UNC13C: variants seen among roughly 807,000 people sequenced by gnomAD.
UNC13C encodes unc-13 homolog C, also known as protein unc-13 homolog C.
In UNC13C, 174 loss-of-function variants were observed where a neutral mutation model predicts 245.4. That is an observed-to-expected ratio of 0.71 (90% CI 0.63 to 0.80). UNC13C has a LOEUF of 0.80. UNC13C is among the 30% of genes least tolerant of loss of function. The pLI is 0.00. For synonymous variants in UNC13C, 992 were observed against 895.1 expected (o/e 1.11, Z -1.93); for missense variants, 2,829 against 2,602.9 (o/e 1.09, Z -1.89).
chr15:53,957,333 C>T, the UNC13C span, among the ~76,000 whole-genome samples: 2 of 151,910 alleles, frequency 1.3e-5, no homozygotes, highest in African/African-American at 2.4e-5. Context: ...GTAGAGATTG[C>T]GTTTCACCAG....
At chr15:54,291,065 G>A (rs1175544307) in intron 10 of UNC13C, among the ~76,000 whole-genome samples, 2 of 151,940 alleles carry the variant, frequency 1.3e-5, no homozygotes, top group Non-Finnish European at 2.9e-5. Context: ...TTGTGTCTTT[G>A]TTTCTACTTA....
intron 2 of UNC13C, among the ~76,000 whole-genome samples, chr15:54,055,625 A>C (rs1017115467): frequency 6.6e-6 from 1 of 152,178 alleles, no homozygotes; most frequent in Non-Finnish European, 1.5e-5. Context: ...GGAAAGTGTT[A>C]AGCATTACTT....
At chr15:54,534,199 C>T (rs1045315855) in intron 26 of UNC13C, among the ~76,000 whole-genome samples, 28 of 152,094 alleles carry the variant, frequency 1.8e-4, no homozygotes, top group African/African-American at 6.8e-4. Context: ...CCAGGAACAC[C>T]TTCGCCCCTC....
chr15:54,235,976 C>T (rs1450346225), intron 5 of UNC13C, among the ~76,000 whole-genome samples: 2 of 150,942 alleles, frequency 1.3e-5, no homozygotes, highest in Admixed American at 6.6e-5. Context: ...CTGCAGCCAC[C>T]TTGATAAATG....
At chr15:54,243,913 T>C (rs4569201) in intron 7 of UNC13C, among the ~76,000 whole-genome samples, 89,139 of 152,082 alleles carry the variant, frequency 0.59, 28,037 homozygotes, top group African/African-American at 0.82. Context: ...AAAATTTTCT[T>C]CCATTCTGTA....
chr15:54,515,541 A>G (rs1284474687), intron 24 of UNC13C, among the ~76,000 whole-genome samples: 1 of 152,194 alleles, frequency 6.6e-6, no homozygotes, highest in Non-Finnish European at 1.5e-5. Flanking sequence ...GTATATGAAA[A>G]AATCCAAAAT....
chr15:54,071,010 CTT>C (rs1898298532), intron 2 of UNC13C, among the ~76,000 whole-genome samples: 1 of 152,088 alleles, frequency 6.6e-6, no homozygotes, highest in African/African-American at 2.4e-5. Flanking sequence ...GTTTTTTTAA[CTT>C]TATAAAGATA....
chr15:54,283,496 G>T (rs890292606), intron 10 of UNC13C, among the ~76,000 whole-genome samples: 1 of 151,870 alleles, frequency 6.6e-6, no homozygotes, highest in Non-Finnish European at 1.5e-5. Flanking sequence ...TATTGTATCA[G>T]TATATATACA....
chr15:54,232,895 C>T (rs994259550), intron 4 of UNC13C, among the ~76,000 whole-genome samples: 1 of 152,034 alleles, frequency 6.6e-6, no homozygotes, highest in Non-Finnish European at 1.5e-5. Flanking sequence ...TTCACTTAGC[C>T]TTTTTCCATG....
At chr15:54,380,130 C>T (rs2140897670) in intron 17 of UNC13C, among the ~76,000 whole-genome samples, 1 of 151,922 alleles carries the variant, frequency 6.6e-6, no homozygotes, top group East Asian at 1.9e-4. Context: ...GCTCTCTAAG[C>T]CCCCACCCCC....
intron 1 of UNC13C, among the ~76,000 whole-genome samples, chr15:54,000,341 A>G (rs1306519555): frequency 6.6e-6 from 1 of 152,144 alleles, no homozygotes; most frequent in East Asian, 1.9e-4. Flanking sequence ...TACTGAAGAT[A>G]ATGACACCTC....
At chr15:54,179,349 C>G (rs1367144140) in intron 4 of UNC13C, among the ~76,000 whole-genome samples, 1 of 152,072 alleles carries the variant, frequency 6.6e-6, no homozygotes, top group Non-Finnish European at 1.5e-5. Context: ...TATCTACAGA[C>G]TGTAAAATTG....
chr15:54,278,011 C>A (rs1020871310), intron 10 of UNC13C, among the ~76,000 whole-genome samples: 2 of 152,032 alleles, frequency 1.3e-5, no homozygotes, highest in Non-Finnish European at 1.5e-5. Context: ...CCTTAGATAA[C>A]TTTCTGTTTA....
intron 19 of UNC13C, among the ~76,000 whole-genome samples, chr15:54,447,563 G>A (rs1245505985): frequency 1.3e-5 from 2 of 152,178 alleles, no homozygotes; most frequent in African/African-American, 4.8e-5. Context: ...TTTGCATAGA[G>A]GTGTTTATAT....
intron 17 of UNC13C, among the ~76,000 whole-genome samples, chr15:54,389,944 C>G (rs472338): frequency 1 from 151,512 of 152,142 alleles, 75,456 homozygotes; most frequent in Middle Eastern, 1. Flanking sequence ...GGCTAGGCTG[C>G]TCTCCAACTC....
intron 19 of UNC13C, among the ~76,000 whole-genome samples, chr15:54,435,772 A>G (rs184150708): frequency 6.6e-6 from 1 of 151,452 alleles, no homozygotes; most frequent in Non-Finnish European, 1.5e-5. Flanking sequence ...AAAAGAAACT[A>G]TCATCAGAGT....
At chr15:54,527,692 A>G (rs1895538281) in intron 25 of UNC13C, among the ~76,000 whole-genome samples, 1 of 152,224 alleles carries the variant, frequency 6.6e-6, no homozygotes, top group Non-Finnish European at 1.5e-5. Flanking sequence ...CAGCTATTTT[A>G]GCCTAAACAG....
chr15:54,251,254 A>T (rs1363360559), intron 8 of UNC13C, among the ~76,000 whole-genome samples: 1 of 152,068 alleles, frequency 6.6e-6, no homozygotes, highest in African/African-American at 2.4e-5. Flanking sequence ...TGGAAATGGG[A>T]TGTCTTGGGT....
At chr15:53,871,352 C>A in the UNC13C span, among the ~76,000 whole-genome samples, 2 of 152,136 alleles carry the variant, frequency 1.3e-5, no homozygotes, top group African/African-American at 2.4e-5. Flanking sequence ...TCTTAACTCC[C>A]CCTGACTAAC....
Sources: allele counts gnomAD v4.1 joint callset (sites outside exome capture counted in the v4.1 genomes callset), GRCh38; gene constraint gnomAD v4.1.1; transcripts MANE v1.5; gene names NCBI Gene and HGNC (gene_info 2026-07-23, HGNC 2026-07-21).